COL27A1: variants seen among roughly 807,000 people sequenced by gnomAD.
The protein encoded by COL27A1 is collagen type XXVII alpha 1 chain.
In COL27A1, 106 loss-of-function variants were observed where a neutral mutation model predicts 251.3. The observed-to-expected ratio is 0.42, with a 90% CI of 0.36 to 0.50. The LOEUF is 0.50. Among genes scored for constraint, COL27A1 ranks in the 20% least tolerant of loss-of-function variants. The pLI, the probability that COL27A1 is intolerant of heterozygous loss-of-function variation, is 0.00. For synonymous variants in COL27A1, 1,000 were observed against 986.3 expected, an observed-to-expected ratio of 1.01 and a Z score of -0.26; for missense variants, 2,325 against 2,522.8, an observed-to-expected ratio of 0.92 and a Z score of 1.68.
rs182043178 is a variant in COL27A1, at chr9:114,311,424, G to C, written c.*729G>C. The C allele has an allele frequency of 6.6e-6, 1 of 151,704 alleles. No individual in the cohort carries two copies. The highest frequency in any genetic ancestry group is 1.5e-5 in the Non-Finnish European group (1 of 67,932). 9.4% of individuals were successfully genotyped at this position (151,704 alleles called of 1,614,324 possible). On this transcript the variant is annotated 3_prime_UTR_variant, in exon 61 of 61. Transcript: ENST00000356083. ...GACTTTGAAGAAACTTTTGGATGTG[G>C]GGCATCATCCGCATCTTTCTCTCTC...
rs189248569 is a variant in COL27A1 at position 114,209,401 on chromosome 9, G to A, written c.2269-274G>A. On this transcript the variant is annotated intron_variant, in intron 10 of 60. Coordinates refer to ENST00000356083, the MANE Select transcript of COL27A1 (RefSeq NM_032888.4). ...TGCAGGTCCTGGAGCCCTGGCGTGG[G>A]GCGGGCCTCCTGCCGGCGAGCGCCT... is the stretch of plus-strand genomic sequence containing the variant. The A allele has an allele frequency of 3.7e-3, 2,703 of 727,622 alleles. 15 individuals carry two copies. Among genetic ancestry groups the A allele is most frequent in the Non-Finnish European group, 5.8e-3 (2,228 of 385,730 alleles). 45.1% of individuals were successfully genotyped at this position (727,622 alleles called of 1,614,324 possible). A position where few individuals can be genotyped will look rare whatever the true frequency, so the allele number is the denominator to read the frequency against.
chr9:114,232,119 T>C (rs1478585239), intron 16 of COL27A1, among the ~76,000 whole-genome samples: 1 of 152,148 alleles, frequency 6.6e-6, no homozygotes, highest in Admixed American at 6.5e-5. Context: ...AGGGCAGGTA[T>C]GTCAAGACAG....
Position 114,162,325 on chromosome 9 carries a change from G to A in COL27A1, c.63-390G>A, listed in dbSNP as rs1030676508. Among the ~76,000 whole-genome samples, 43 of 152,338 alleles carry A rather than the reference G, an allele frequency of 2.8e-4. 1 individual carries two copies. Among genetic ancestry groups the A allele is most frequent in the African/African-American group, 8.9e-4 (37 of 41,590 alleles). On this transcript the variant is annotated intron_variant, in intron 1 of 60. Transcript: ENST00000356083. The stretch of plus-strand genomic sequence containing the variant: ...ATCATGAGGCTGTAGTACAGATGGG[G>A]AGACTGAGGCCCAGAGAAGGGGAGG...
chr9:114,188,843 C>T (rs1248260577), intron 5 of COL27A1, among the ~76,000 whole-genome samples: 1 of 152,114 alleles, frequency 6.6e-6, no homozygotes, highest in Non-Finnish European at 1.5e-5. Context: ...GTATGTTTTT[C>T]TTAAATCTCT....
intron 27 of COL27A1, among the ~76,000 whole-genome samples, chr9:114,257,808 A>G (rs1475136817): frequency 1.3e-5 from 2 of 152,146 alleles, no homozygotes; most frequent in Admixed American, 1.3e-4. Flanking sequence ...ATTGGGTGTC[A>G]GGGTGGAGGT....
At chr9:114,253,612 C>T (rs929587909) in intron 27 of COL27A1, among the ~76,000 whole-genome samples, 4 of 152,206 alleles carry the variant, frequency 2.6e-5, no homozygotes, top group African/African-American at 9.6e-5. Flanking sequence ...AGCTACACCA[C>T]TTTCTGACTA....
In COL27A1 at chr9:114,252,712, C is replaced by T; in HGVS notation, c.3087+66C>T. 9.4e-6 allele frequency: 14 copies of T among 1,489,290 alleles called. 1 individual carries two copies. The highest frequency in any genetic ancestry group is 1.3e-5 in the Non-Finnish European group (14 of 1,066,520). 92.3% of individuals were successfully genotyped at this position (1,489,290 alleles called of 1,614,324 possible). A position where few individuals can be genotyped will look rare whatever the true frequency, so the allele number is the denominator to read the frequency against. ...AGCCTTGAGTGACAGCTCTGCTCTCCTCCATGAACCGCTTACCCCAGACGT... is the reference window on the plus strand; with the variant it reads ...AGCCTTGAGTGACAGCTCTGCTCTCTTCCATGAACCGCTTACCCCAGACGT... On this transcript the variant is annotated intron_variant, in intron 26 of 60. Coordinates refer to ENST00000356083, the MANE Select transcript of COL27A1 (RefSeq NM_032888.4).
At chr9:114,196,171 G>T (rs1829109587) in intron 7 of COL27A1, among the ~76,000 whole-genome samples, 159 bp downstream of exon 7, 1 of 152,220 alleles carries the variant, frequency 6.6e-6, no homozygotes. Flanking sequence ...CTTTCCAAGG[G>T]TTGTGCCTGT....
Position 114,248,080 on chromosome 9 carries a change from C to T in COL27A1, c.2979+2170C>T, listed in dbSNP as rs1411927166. Among the ~76,000 whole-genome samples the T allele has an allele frequency of 3.9e-5, 6 of 151,954 alleles. No individual in the cohort carries two copies. In the South Asian group the frequency reaches 8.3e-4, roughly 21 times the overall value. ...GCTCTGGGAAGTTAAGTAACTTGTCCGAGATCTCACAGGCAGTAACATCAC... is the reference window on the plus strand; with the variant it reads ...GCTCTGGGAAGTTAAGTAACTTGTCTGAGATCTCACAGGCAGTAACATCAC... On this transcript the variant is annotated intron_variant, in intron 24 of 60. Transcript: ENST00000356083.
intron 5 of COL27A1, among the ~76,000 whole-genome samples, chr9:114,184,747 T>C (rs915846161): frequency 6.6e-6 from 1 of 152,204 alleles, no homozygotes; most frequent in Non-Finnish European, 1.5e-5. Context: ...CGTACCCATT[T>C]ACAGATGGGG....
At chr9:114,288,811 G>A in intron 43 of COL27A1, 56 bp downstream of exon 43, 3 of 1,600,886 alleles carry the variant, frequency 1.9e-6, no homozygotes, top group Non-Finnish European at 2.6e-6. Context: ...GGAGAGGGGG[G>A]ATGACACATG....
rs762962423 is a variant in COL27A1, at chr9:114,290,857, G to A, written c.4416G>A (p.Gly1472=). The part of the protein sequence containing the change: ...DGDPGPMGPA[G]KRGNPGVAGL... ...ACCCTGGCCCCATGGGCCCTGCTGG[G>A]AAGAGAGGAAATCCAGGTGTGGCCG... Residue 1472 remains glycine (G), a synonymous_variant, in exon 48 of 61, where the codon GGG becomes GGA. Coordinates refer to ENST00000356083, the MANE Select transcript of COL27A1 (RefSeq NM_032888.4). The surrounding 1 kb of genome is among the most constrained non-coding windows in gnomAD (Gnocchi z 4.6). 1.3e-6 allele frequency: 2 copies of A among 1,551,786 alleles called. No individual in the cohort carries two copies. The highest frequency in any genetic ancestry group is 1.2e-5 in the South Asian group (1 of 84,108).
Position 114,301,122 on chromosome 9 carries a change from C to G in COL27A1, c.4752C>G (p.Leu1584=), listed in dbSNP as rs182652506. The part of the protein sequence containing the change: ...GPLGILGPSG[L]PGPKGDKGSR... ...TCGGAATCCTGGGACCTTCGGGACT[C>G]CCGGTATGTGTGGGGATTGGACAGG... Residue 1584 remains leucine (L), a synonymous_variant, in exon 52 of 61, where the codon CTC becomes CTG. Transcript: ENST00000356083. 11 of 1,613,688 alleles carry G rather than the reference C, an allele frequency of 6.8e-6. No homozygotes were observed. Among genetic ancestry groups the G allele is most frequent in the Middle Eastern group, 1.7e-4 (1 of 6,060 alleles).
At chr9:114,268,180 T>C (rs1207159742) in intron 34 of COL27A1, among the ~76,000 whole-genome samples, 1 of 152,108 alleles carries the variant, frequency 6.6e-6, no homozygotes, top group African/African-American at 2.4e-5. Context: ...AGAAAACTGA[T>C]AGAAGTGGGA....
At chr9:114,169,518 A>G in intron 3 of COL27A1, 55 bp downstream of exon 3, 4 of 1,378,998 alleles carry the variant, frequency 2.9e-6, no homozygotes, top group East Asian at 2.3e-5. Flanking sequence ...GGACTGGGGC[A>G]TTGGTCAAGT....
chr9:114,261,004 T>C (rs1489546497), intron 28 of COL27A1, among the ~76,000 whole-genome samples: 1 of 152,158 alleles, frequency 6.6e-6, no homozygotes, highest in East Asian at 1.9e-4. Context: ...TCTTAGACCT[T>C]GGGCCACTGA....
At chr9:114,241,018 T>G (rs1832719365) in intron 21 of COL27A1, among the ~76,000 whole-genome samples, 1 of 152,248 alleles carries the variant, frequency 6.6e-6, no homozygotes, top group Non-Finnish European at 1.5e-5. Flanking sequence ...CTGTGCTTCC[T>G]GGGAGTGGCC....
At position 114,167,686 on chromosome 9, in the gene COL27A1, C is replaced by T. The variant is rs2135068990; in HGVS notation, c.134-3C>T. The T allele has an allele frequency of 1.2e-6, 2 of 1,605,932 alleles. No homozygotes were observed. The highest frequency in any genetic ancestry group is 4.5e-5 in the East Asian group (2 of 44,752). On this transcript the variant is annotated splice_polypyrimidine_tract_variant and splice_region_variant and intron_variant, in intron 2 of 60. Transcript: ENST00000356083. The stretch of plus-strand genomic sequence containing the variant: ...GTCCTCTCCCCTTTTCCCTCCCTCT[C>T]AGATGTGGACATCCTCCAGCGGCTG...
chr9:114,165,500 A>C (rs1390063751), intron 2 of COL27A1, among the ~76,000 whole-genome samples: 1 of 149,168 alleles, frequency 6.7e-6, no homozygotes, highest in African/African-American at 2.5e-5. Context: ...CTATCCATCC[A>C]TCCATTCATC....
Sources: allele counts gnomAD v4.1 joint callset (sites outside exome capture counted in the v4.1 genomes callset), GRCh38; gene constraint gnomAD v4.1.1; non-coding constraint Gnocchi (gnomAD v3.1); transcripts MANE v1.5; gene names NCBI Gene and HGNC (gene_info 2026-07-23, HGNC 2026-07-21).